C10orf90: variants seen among roughly 807,000 people sequenced by gnomAD.
The protein encoded by C10orf90 is chromosome 10 open reading frame 90.
C10orf90 carries 56 observed loss-of-function variants against 62.5 expected under a neutral mutation model. The ratio of observed to expected loss-of-function variants is 0.90; its 90% CI spans 0.72 to 1.12. The LOEUF is 1.12. C10orf90 is among the 50% of genes most tolerant of loss of function. C10orf90 has a pLI of 0.00. For missense variants in C10orf90, 970 were observed against 880.4 expected (o/e 1.10, Z -1.29); for synonymous variants, 386 against 340.4 (o/e 1.13, Z -1.47).
intron 4 of C10orf90, among the ~76,000 whole-genome samples, chr10:126,501,989 C>G (rs906305551): frequency 2.0e-5 from 3 of 147,960 alleles, no homozygotes; most frequent in Admixed American, 2.0e-4. Flanking sequence ...ACACCACACA[C>G]GCATACACAC....
At chr10:126,587,285 G>C (rs1335710885) in intron 2 of C10orf90, among the ~76,000 whole-genome samples, 1 of 152,208 alleles carries the variant, frequency 6.6e-6, no homozygotes, top group Non-Finnish European at 1.5e-5. Flanking sequence ...TAAAATTCCT[G>C]TATCAGTCAG....
chr10:126,486,123 A>G (rs1454935331), intron 4 of C10orf90, among the ~76,000 whole-genome samples: 1 of 152,198 alleles, frequency 6.6e-6, no homozygotes, highest in Admixed American at 6.5e-5. Flanking sequence ...TTTAATGTCA[A>G]ATAGAGGACA....
At chr10:126,429,297 G>A (rs1247410074) in intron 8 of C10orf90, among the ~76,000 whole-genome samples, 1 of 152,162 alleles carries the variant, frequency 6.6e-6, no homozygotes, top group Non-Finnish European at 1.5e-5. Context: ...GCTGGAGACA[G>A]AGTACCAGGA....
chr10:126,588,814 C>T (rs970694784), intron 2 of C10orf90, among the ~76,000 whole-genome samples: 1 of 152,180 alleles, frequency 6.6e-6, no homozygotes, highest in Non-Finnish European at 1.5e-5. Context: ...CAATTGACTG[C>T]AACATCTCTC....
At chr10:126,428,280 G>C (rs547657620) in intron 8 of C10orf90, among the ~76,000 whole-genome samples, 56 of 152,322 alleles carry the variant, frequency 3.7e-4, no homozygotes, top group African/African-American at 1.2e-3. Context: ...GGGGAGCTGG[G>C]ACTGGGGTAG....
intron 5 of C10orf90, 78 bp from the exon 6 acceptor site, chr10:126,461,663 G>T: frequency 3.7e-6 from 5 of 1,365,186 alleles, no homozygotes; most frequent in Non-Finnish European, 3.0e-6. Context: ...ATTAGACACA[G>T]AAGACAATTT....
At chr10:126,514,783 CT>C (rs1404995914) in intron 2 of C10orf90, among the ~76,000 whole-genome samples, 1 of 152,128 alleles carries the variant, frequency 6.6e-6, no homozygotes, top group Non-Finnish European at 1.5e-5. Flanking sequence ...CTGCGCCCCC[CT>C]CTCCACCCCC....
At chr10:126,642,856 CCACCAG>C (rs1367241548) in intron 2 of C10orf90, among the ~76,000 whole-genome samples, 1 of 152,126 alleles carries the variant, frequency 6.6e-6, no homozygotes, top group Admixed American at 6.6e-5. Context: ...CAGGATCCTC[CCACCAG>C]CACCCCGCTA....
At chr10:126,464,635 TCAA>T in intron 5 of C10orf90, 58 bp downstream of exon 5, 3 of 1,524,114 alleles carry the variant, frequency 2.0e-6, no homozygotes, top group Non-Finnish European at 2.7e-6. Context: ...AGGTAGGCAA[TCAA>T]CAAATTTTTA....
intron 4 of C10orf90, among the ~76,000 whole-genome samples, chr10:126,484,220 A>G (rs550263026): frequency 1.7e-4 from 26 of 152,144 alleles, no homozygotes; most frequent in Admixed American, 3.9e-4. Context: ...GAATACGCCA[A>G]TTCCCTCTAG....
intron 2 of C10orf90, among the ~76,000 whole-genome samples, chr10:126,585,516 G>A (rs757986866): frequency 6.6e-6 from 1 of 151,628 alleles, no homozygotes; most frequent in Admixed American, 6.6e-5. Context: ...AAAAAGAGCA[G>A]AAAGAGGAGA....
chr10:126,531,310 A>G (rs1864089426), intron 2 of C10orf90, among the ~76,000 whole-genome samples: 1 of 152,140 alleles, frequency 6.6e-6, no homozygotes. Context: ...TTTGGTTGTC[A>G]CCTTTGTGGG....
At position 126,539,103 on chromosome 10, in the gene C10orf90, C is replaced by T. The variant is rs1591080745; in HGVS notation, c.314-25164G>A. On this transcript the variant is annotated intron_variant, in intron 2 of 9. Transcript: ENST00000488181. ...AGCCTGGAGGCAGCCCCCACAGTCC[C>T]CACAGTCCCAGCTCAGAGCAAGACA... Among the ~76,000 whole-genome samples the T allele has an allele frequency of 2.6e-5, 4 of 152,322 alleles. No individual in the cohort carries two copies. In the East Asian group the frequency reaches 7.7e-4, roughly 29 times the overall value.
At chr10:126,481,188 A>G (rs1295906321) in intron 4 of C10orf90, among the ~76,000 whole-genome samples, 2 of 152,188 alleles carry the variant, frequency 1.3e-5, no homozygotes, top group African/African-American at 4.8e-5. Flanking sequence ...TTCCCTGGCC[A>G]CCCATCTAAA....
intron 8 of C10orf90, among the ~76,000 whole-genome samples, chr10:126,428,716 G>A (rs1564785252): frequency 1.3e-5 from 2 of 152,164 alleles, no homozygotes; most frequent in Non-Finnish European, 2.9e-5. Context: ...GGGACTGGGA[G>A]GGGAGGATTT....
At chr10:126,455,744 T>A (rs1460023916) in intron 7 of C10orf90, among the ~76,000 whole-genome samples, 1 of 152,160 alleles carries the variant, frequency 6.6e-6, no homozygotes, top group Non-Finnish European at 1.5e-5. Flanking sequence ...CCTCTAGAGT[T>A]CCCAGTTGTT....
chr10:126,566,772 C>T lies in C10orf90; in HGVS notation c.314-52833G>A, dbSNP rs567475012. Among the ~76,000 whole-genome samples the T allele has an allele frequency of 6.6e-5, 10 of 152,120 alleles. No individual in the cohort carries two copies. The South Asian group carries it at 2.1e-3, about 32-fold the overall frequency. On this transcript the variant is annotated intron_variant, in intron 2 of 9. Transcript: ENST00000488181. ...CTTTTGCTTTTGAGTGGAGGATGGA[C>T]CAGGGAGGGGCAAGAGCGGAGGCAG... is the stretch of plus-strand genomic sequence containing the variant.
At chr10:126,431,714 C>A (rs927773600) in intron 7 of C10orf90, among the ~76,000 whole-genome samples, 10 of 152,208 alleles carry the variant, frequency 6.6e-5, no homozygotes, top group Non-Finnish European at 1.5e-4. Flanking sequence ...AAAAACATTA[C>A]CAATACCCTT....
At chr10:126,454,804 C>T (rs146680547) in intron 7 of C10orf90, among the ~76,000 whole-genome samples, 77 of 152,234 alleles carry the variant, frequency 5.1e-4, no homozygotes, top group Middle Eastern at 3.4e-3. Context: ...ATGACCCAAT[C>T]CACTTGGGAC....
Sources: gnomAD v4.1 joint callset for allele counts (sites outside exome capture counted in the v4.1 genomes callset) on GRCh38, gnomAD v4.1.1 for gene constraint, MANE v1.5 for transcripts, NCBI Gene and HGNC (gene_info 2026-07-23, HGNC 2026-07-21) for gene names.